Variants in AFF1 observed in about 807,000 individuals in gnomAD.
AFF1 encodes the protein AF4/FMR2 family member 1.
AFF1 carries 48 observed loss-of-function variants against 121.7 expected under a neutral mutation model. That is an observed-to-expected ratio of 0.39 (90% CI 0.31 to 0.50). AFF1 has a LOEUF of 0.50. AFF1 is among the 20% of genes least tolerant of loss of function. The probability of loss-of-function intolerance (pLI) is 0.76; values close to 1 mark genes in which losing one functional copy is unlikely to be tolerated. For missense variants in AFF1, 1,523 were observed against 1,511.7 expected, an observed-to-expected ratio of 1.01 and a Z score of -0.12; for synonymous variants, 613 against 563.0, an observed-to-expected ratio of 1.09 and a Z score of -1.26.
At position 87,017,071 on chromosome 4, in the gene AFF1, A is replaced by ATG. The variant is rs70953640; in HGVS notation, c.39-29083_39-29082dup. On this transcript the variant is annotated intron_variant, in intron 2 of 20. Transcript: ENST00000395146. ...CATACAAGACTTTGGACATATATAT[A>ATG]TGTGTGTGTGTGTATGTGTATATAT... is the stretch of plus-strand genomic sequence containing the variant. Among the ~76,000 whole-genome samples, 272 of 102,564 alleles carry ATG rather than the reference A, an allele frequency of 2.7e-3. 1 individual carries two copies. The highest frequency in any genetic ancestry group is 7.2e-3 in the African/African-American group (255 of 35,200). 67.3% of individuals were successfully genotyped at this position (102,564 alleles called of 152,430 possible).
Position 87,127,076 on chromosome 4 carries a change from T to G in AFF1, c.2862T>G (p.Asn954Lys), listed in dbSNP as rs759872363. 1.1e-5 allele frequency: 18 copies of G among 1,613,464 alleles called. No homozygotes were observed. Among genetic ancestry groups the G allele is most frequent in the Non-Finnish European group, 1.5e-5 (18 of 1,179,900 alleles). Residue 954 changes from asparagine (N) to lysine (K), a missense_variant, in exon 15 of 21, where the codon AAT becomes AAG. By Grantham distance (94) the Asn-to-Lys change is moderately conservative. Transcript: ENST00000395146. ...ANPFPVPSLP[N>K]GNSKPGKPQV... ...CTTTTCCAGTGCCTTCTTTGCCAAA[T>G]GGTAACTCTAAACCAGGGAAGCCTC...
chr4:87,017,445 A>C (rs1727420106), intron 2 of AFF1, among the ~76,000 whole-genome samples: 1 of 152,196 alleles, frequency 6.6e-6, no homozygotes, highest in African/African-American at 2.4e-5. Context: ...TCGATGAAGA[A>C]ATTCATATCG....
intron 4 of AFF1, among the ~76,000 whole-genome samples, chr4:87,073,498 C>G (rs188895046): frequency 5.3e-5 from 8 of 151,928 alleles, no homozygotes; most frequent in African/African-American, 1.9e-4. Flanking sequence ...TCCTTTTTTC[C>G]CCCGTTTTTT....
chr4:86,949,662 G>T, intron 2 of AFF1: 1 of 1,544,976 alleles, frequency 6.5e-7, no homozygotes, highest in Non-Finnish European at 8.7e-7. Context: ...GCAGGGGTGA[G>T]CGCTCAGAGC....
At chr4:86,976,499 C>T (rs1191061671) in intron 2 of AFF1, among the ~76,000 whole-genome samples, 1 of 152,106 alleles carries the variant, frequency 6.6e-6, no homozygotes, top group African/African-American at 2.4e-5. Context: ...GGTCATTATC[C>T]TAAGCAAACT....
At chr4:87,013,454 C>G (rs1727001942) in intron 2 of AFF1, among the ~76,000 whole-genome samples, 2 of 152,068 alleles carry the variant, frequency 1.3e-5, no homozygotes, top group South Asian at 4.1e-4. Context: ...CTCAAGCAGA[C>G]AAAGGGTAAA....
chr4:87,060,966 A>G (rs1560586243), intron 4 of AFF1, among the ~76,000 whole-genome samples: 2 of 152,020 alleles, frequency 1.3e-5, no homozygotes, highest in Non-Finnish European at 1.5e-5. Context: ...GTCTTGCACT[A>G]AAGGATAAAA....
chr4:87,046,333 T>A (rs750971399), intron 3 of AFF1, 47 bp downstream of exon 3: 35 of 1,592,040 alleles, frequency 2.2e-5, no homozygotes, highest in Middle Eastern at 1.7e-4. Flanking sequence ...ATCACAATGT[T>A]GAACCCTATG....
chr4:86,937,236 A>G (rs185718092), intron 1 of AFF1, among the ~76,000 whole-genome samples: 10 of 152,364 alleles, frequency 6.6e-5, no homozygotes, highest in Non-Finnish European at 1.2e-4. Flanking sequence ...TTGCAAAACT[A>G]TAATTTTGAA....
At chr4:87,008,022 T>C (rs1726344187) in intron 2 of AFF1, among the ~76,000 whole-genome samples, 2 of 152,128 alleles carry the variant, frequency 1.3e-5, no homozygotes, top group Admixed American at 6.6e-5. Context: ...GGAGCGCTAT[T>C]GTAAGAACCT....
intron 2 of AFF1, among the ~76,000 whole-genome samples, chr4:87,013,803 G>A (rs897194103): frequency 2.0e-4 from 30 of 151,726 alleles, no homozygotes; most frequent in African/African-American, 7.3e-4. Context: ...AAAAATCACC[G>A]TGGGTGCTTG....
Position 86,951,163 on chromosome 4 carries a change from G to T in AFF1, c.38+2592G>T, listed in dbSNP as rs564823248. ...TGGGCTTGCATTGTCATATAGCAAT[G>T]CTCAGAAAGAATTGAATAGCTTCGG... On this transcript the variant is annotated intron_variant, in intron 2 of 20. Coordinates refer to ENST00000395146, the MANE Select transcript of AFF1 (RefSeq NM_001166693.3). 1.9e-4 allele frequency among the ~76,000 whole-genome samples: 29 copies of T among 152,294 alleles called. No homozygotes were observed. In the South Asian group the frequency reaches 5.8e-3, roughly 30 times the overall value.
intron 2 of AFF1, among the ~76,000 whole-genome samples, chr4:86,965,778 G>T (rs1722495385): frequency 6.6e-6 from 1 of 152,096 alleles, no homozygotes; most frequent in South Asian, 2.1e-4. Context: ...CCCCATCAGT[G>T]CTTGTCATTG....
intron 10 of AFF1, among the ~76,000 whole-genome samples, chr4:87,107,086 A>C (rs940957881): frequency 9.0e-5 from 9 of 100,116 alleles, no homozygotes; most frequent in African/African-American, 3.0e-4. Flanking sequence ...TACGCTCTTC[A>C]GCTGCCATGG....
In AFF1 at chr4:87,072,582, C is replaced by T. The variant is rs1162595220; in HGVS notation, c.1060-11538C>T. On this transcript the variant is annotated intron_variant, in intron 4 of 20. Transcript: ENST00000395146. ...TGTCTCTCAGGCTGGAGTGCAGTGG[C>T]ACGATCTCAGCTCACGGCAGCCTCC... Among the ~76,000 whole-genome samples, 5 of 151,874 alleles carry T rather than the reference C, an allele frequency of 3.3e-5. 1 individual carries two copies. The highest frequency in any genetic ancestry group is 1.2e-4 in the African/African-American group (5 of 41,294).
chr4:87,110,544 A>G (rs1017919245), intron 11 of AFF1, among the ~76,000 whole-genome samples: 1 of 151,020 alleles, frequency 6.6e-6, no homozygotes, highest in South Asian at 2.1e-4. Flanking sequence ...TCTGGTAACC[A>G]TCCTTCTACT....
rs68156863 is a variant in AFF1, at chr4:87,012,217, C to CTTTTTTTTTTTTTTTTTTTTTTTTTT, written c.39-33947_39-33946insTTTTTTTTTTTTTTTTTTTTTTTTTT. 9.6e-5 allele frequency among the ~76,000 whole-genome samples: 11 copies of CTTTTTTTTTTTTTTTTTTTTTTTTTT among 115,098 alleles called. 5 individuals carry two copies. The highest frequency in any genetic ancestry group is 7.4e-5 in the Non-Finnish European group (4 of 54,242). 75.5% of individuals were successfully genotyped at this position (115,098 alleles called of 152,430 possible). A position where few individuals can be genotyped will look rare whatever the true frequency, so the allele number is the denominator to read the frequency against. On this transcript the variant is annotated intron_variant, in intron 2 of 20. Transcript: ENST00000395146. Reference sequence around the variant, plus strand: ...GTTAGCAAACTTCTCCATTTCATTTCTTGTTTTTTTTTTTTTTTGTATAAC... The same window carrying CTTTTTTTTTTTTTTTTTTTTTTTTTT: ...GTTAGCAAACTTCTCCATTTCATTTCTTTTTTTTTTTTTTTTTTTTTTTTTTTTGTTTTTTTTTTTTTTTGTATAAC...
At chr4:87,022,580 A>ATATATATATATC (rs1399457511) in intron 2 of AFF1, among the ~76,000 whole-genome samples, 13 of 89,286 alleles carry the variant, frequency 1.5e-4, no homozygotes, top group African/African-American at 6.3e-4. Flanking sequence ...ATATATATAT[A>ATATATATATATC]TATCTATCTA....
At chr4:87,051,103 T>C (rs1731217445) in intron 4 of AFF1, among the ~76,000 whole-genome samples, 1 of 152,206 alleles carries the variant, frequency 6.6e-6, no homozygotes, top group Non-Finnish European at 1.5e-5. Flanking sequence ...GAATTTAGAA[T>C]GTTTGAATTT....
Sources: allele counts gnomAD v4.1 joint callset (sites outside exome capture counted in the v4.1 genomes callset), GRCh38; gene constraint gnomAD v4.1.1; transcripts MANE v1.5; gene names NCBI Gene and HGNC (gene_info 2026-07-23, HGNC 2026-07-21).